MAGI1: variants seen among roughly 807,000 people sequenced by gnomAD.
MAGI1 encodes the protein membrane associated guanylate kinase, WW and PDZ domain containing 1, also known as membrane-associated guanylate kinase, WW and PDZ domain-containing protein 1.
Under a neutral mutation model 139.9 loss-of-function variants are expected in MAGI1, and 58 were observed. The ratio of observed to expected loss-of-function variants is 0.41; its 90% CI spans 0.34 to 0.52. The LOEUF is 0.52. Among genes scored for constraint, MAGI1 ranks in the 20% least tolerant of loss-of-function variants. The pLI, the probability that MAGI1 is intolerant of heterozygous loss-of-function variation, is 0.12. For synonymous variants in MAGI1, 812 were observed against 737.9 expected, an observed-to-expected ratio of 1.10 and a Z score of -1.63; for missense variants, 1,874 against 1,901.6, an observed-to-expected ratio of 0.99 and a Z score of 0.27.
intron 22 of MAGI1, chr3:65,360,159 T>A: frequency 1.0e-6 from 1 of 985,262 alleles, no homozygotes; most frequent in Non-Finnish European, 1.2e-6. Flanking sequence ...TGCATCTGAA[T>A]TAAACATCTC....
At chr3:65,402,503 T>C (rs1944981104) in intron 12 of MAGI1, among the ~76,000 whole-genome samples, 1 of 152,204 alleles carries the variant, frequency 6.6e-6, no homozygotes. Flanking sequence ...GTTGCCTCTT[T>C]TGATTTTTTT....
chr3:65,405,239 G>A (rs1381724275), intron 12 of MAGI1, among the ~76,000 whole-genome samples: 1 of 152,118 alleles, frequency 6.6e-6, no homozygotes, highest in Non-Finnish European at 1.5e-5. Flanking sequence ...AAAACGAATG[G>A]CAAATTCTTT....
At position 65,790,508 on chromosome 3, in the gene MAGI1, G is replaced by A. The variant is rs138388395; in HGVS notation, c.314-168420C>T. 2.0e-5 allele frequency among the ~76,000 whole-genome samples: 3 copies of A among 152,228 alleles called. No homozygotes were observed. In the East Asian group the frequency reaches 5.8e-4, roughly 29 times the overall value. On this transcript the variant is annotated intron_variant, in intron 1 of 22. Transcript: ENST00000402939. ...CCTTTTACTAAAAGCCAAATTAGAT[G>A]GCCATTTTAAGGGTTAATGCTCTTG...
At chr3:65,855,295 A>C (rs930486339) in intron 1 of MAGI1, among the ~76,000 whole-genome samples, 2 of 151,804 alleles carry the variant, frequency 1.3e-5, no homozygotes. Context: ...AATGGGAGGA[A>C]AGGGCTTGGT....
intron 13 of MAGI1, among the ~76,000 whole-genome samples, chr3:65,400,258 C>T (rs980012811): frequency 1.3e-5 from 2 of 152,174 alleles, no homozygotes; most frequent in African/African-American, 2.4e-5. Context: ...CCAATCACCA[C>T]GGCACTATGC....
intron 1 of MAGI1, among the ~76,000 whole-genome samples, chr3:65,749,035 C>G (rs546665980): frequency 6.6e-6 from 1 of 152,200 alleles, no homozygotes; most frequent in South Asian, 2.1e-4. Flanking sequence ...TTAAAACTGA[C>G]AGAGCTCAGG....
chr3:65,489,632 G>A (rs982753805), intron 3 of MAGI1, among the ~76,000 whole-genome samples: 22 of 152,116 alleles, frequency 1.4e-4, no homozygotes, highest in African/African-American at 5.3e-4. Flanking sequence ...CTCATTCACT[G>A]GGACACTATG....
At chr3:65,435,673 A>G (rs964403947) in intron 10 of MAGI1, among the ~76,000 whole-genome samples, 2 of 152,260 alleles carry the variant, frequency 1.3e-5, no homozygotes, top group African/African-American at 4.8e-5. Flanking sequence ...GTTAAATAAT[A>G]GCACACAAAT....
intron 1 of MAGI1, among the ~76,000 whole-genome samples, 172 bp downstream of exon 1, chr3:66,037,824 C>T (rs138775979): frequency 6.6e-6 from 1 of 152,192 alleles, no homozygotes; most frequent in African/African-American, 2.4e-5. Context: ...GGTGGGCAAA[C>T]AACCCTCAAC....
chr3:65,935,932 C>T (rs2063029276), intron 1 of MAGI1, among the ~76,000 whole-genome samples: 1 of 152,218 alleles, frequency 6.6e-6, no homozygotes, highest in Non-Finnish European at 1.5e-5. Context: ...GCTCAACCAC[C>T]ACCCAGGTGA....
At chr3:65,754,321 A>T (rs1305845003) in intron 1 of MAGI1, among the ~76,000 whole-genome samples, 1 of 152,220 alleles carries the variant, frequency 6.6e-6, no homozygotes, top group Admixed American at 6.5e-5. Flanking sequence ...TGTAGGAAAA[A>T]AATAATGAGC....
chr3:65,681,743 G>A (rs989391901), intron 1 of MAGI1, among the ~76,000 whole-genome samples: 1 of 152,152 alleles, frequency 6.6e-6, no homozygotes, highest in Non-Finnish European at 1.5e-5. Context: ...CAATCATACA[G>A]CTAAATTTGA....
At chr3:65,488,514 T>A (rs908947654) in intron 3 of MAGI1, among the ~76,000 whole-genome samples, 5 of 151,650 alleles carry the variant, frequency 3.3e-5, no homozygotes, top group Non-Finnish European at 5.9e-5. Context: ...TTTTTATATT[T>A]TTTTTTGGTA....
At chr3:65,950,078 C>CAAAAAAAAAAAAAAA (rs751496271) in intron 1 of MAGI1, among the ~76,000 whole-genome samples, 3 of 40,332 alleles carry the variant, frequency 7.4e-5, no homozygotes, top group East Asian at 2.0e-3. Flanking sequence ...AAAAAAAAAA[C>CAAAAAAAAAAAAAAA]AAAAAAAAAA....
At chr3:65,509,636 C>A (rs187648574) in intron 2 of MAGI1, among the ~76,000 whole-genome samples, 1 of 152,234 alleles carries the variant, frequency 6.6e-6, no homozygotes, top group Non-Finnish European at 1.5e-5. Flanking sequence ...TATCCCACAC[C>A]TGGCTCAGAG....
intron 3 of MAGI1, among the ~76,000 whole-genome samples, chr3:65,486,161 C>T (rs1370660474): frequency 6.6e-6 from 1 of 152,182 alleles, no homozygotes; most frequent in Non-Finnish European, 1.5e-5. Flanking sequence ...TTGGCAGCTG[C>T]CTTTTTGCAG....
chr3:65,901,164 A>T (rs2061215528), intron 1 of MAGI1, among the ~76,000 whole-genome samples: 1 of 152,214 alleles, frequency 6.6e-6, no homozygotes, highest in South Asian at 2.1e-4. Flanking sequence ...GCAGAGCCCA[A>T]CATAAAGACT....
intron 3 of MAGI1, among the ~76,000 whole-genome samples, chr3:65,490,840 TC>T (rs1447339098): frequency 1.5e-4 from 1 of 6,696 alleles, no homozygotes; most frequent in African/African-American, 3.8e-4. Context: ...CGAGACTCTG[TC>T]TCAAAAAAAA....
intron 1 of MAGI1, among the ~76,000 whole-genome samples, chr3:65,727,459 T>C (rs2107714845): frequency 1.3e-5 from 2 of 152,312 alleles, no homozygotes; most frequent in Middle Eastern, 3.4e-3. Flanking sequence ...TGAACTTCTG[T>C]GTTCGAGCAA....
Sources: gnomAD v4.1 joint callset for allele counts (sites outside exome capture counted in the v4.1 genomes callset) on GRCh38, gnomAD v4.1.1 for gene constraint, MANE v1.5 for transcripts, NCBI Gene and HGNC (gene_info 2026-07-23, HGNC 2026-07-21) for gene names.